The following LMBR1 variants were observed in gnomAD, a reference collection of about 807,000 sequenced individuals.
LMBR1 encodes the protein limb development membrane protein 1.
LMBR1 carries 52 observed loss-of-function variants against 73.9 expected under a neutral mutation model. That is an observed-to-expected ratio of 0.70 (90% CI 0.56 to 0.89). LMBR1 has a LOEUF of 0.89. Among genes scored for constraint, LMBR1 ranks in the 40% least tolerant of loss-of-function variants. The pLI is 0.00. For synonymous variants in LMBR1, 215 were observed against 209.4 expected (o/e 1.03, Z -0.23); for missense variants, 539 against 579.8 (o/e 0.93, Z 0.72).
intron 9 of LMBR1, among the ~76,000 whole-genome samples, chr7:156,744,217 A>G (rs1448810517): frequency 6.6e-6 from 1 of 152,096 alleles, no homozygotes; most frequent in Non-Finnish European, 1.5e-5. Flanking sequence ...TTTCAACTGC[A>G]GTCTTTATTC....
intron 1 of LMBR1, among the ~76,000 whole-genome samples, chr7:156,874,261 T>C (rs145161170): frequency 0.018 from 2,744 of 152,328 alleles, 86 homozygotes; most frequent in African/African-American, 0.061. Context: ...AAGTCCCTCA[T>C]TGCCCGGGGC....
At chr7:156,741,773 TA>T (rs1353954656) in intron 9 of LMBR1, among the ~76,000 whole-genome samples, 5 of 152,162 alleles carry the variant, frequency 3.3e-5, no homozygotes, top group African/African-American at 1.2e-4. Context: ...ACATCAAACT[TA>T]ATCTGTACTG....
At chr7:156,845,069 T>C (rs1445784805) in intron 1 of LMBR1, among the ~76,000 whole-genome samples, 1 of 152,164 alleles carries the variant, frequency 6.6e-6, no homozygotes, top group Non-Finnish European at 1.5e-5. Flanking sequence ...GAGTACAAAG[T>C]GGGTTCAAGG....
chr7:156,785,174 G>A (rs543594915), intron 5 of LMBR1, among the ~76,000 whole-genome samples: 9 of 152,240 alleles, frequency 5.9e-5, no homozygotes, highest in South Asian at 4.2e-4. Flanking sequence ...CTACTTGGGA[G>A]GCTGAGGCAG....
At chr7:156,718,971 TC>T (rs148719132) in intron 15 of LMBR1, among the ~76,000 whole-genome samples, 15,971 of 151,884 alleles carry the variant, frequency 0.11, 919 homozygotes, top group East Asian at 0.16. Context: ...TCAATGGTGG[TC>T]TGGGCAATGA....
intron 4 of LMBR1, among the ~76,000 whole-genome samples, chr7:156,812,701 G>C (rs753655878): frequency 6.6e-6 from 1 of 152,214 alleles, no homozygotes; most frequent in African/African-American, 2.4e-5. Context: ...CACCAGTTTA[G>C]TAAGGTTTTA....
chr7:156,795,889 C>T (rs897878059), intron 5 of LMBR1, among the ~76,000 whole-genome samples: 2 of 152,136 alleles, frequency 1.3e-5, no homozygotes, highest in African/African-American at 4.8e-5. Context: ...AAGAATACAT[C>T]ATGATTTTTT....
chr7:156,676,011 G>T, downstream of LMBR1: 1 of 876,968 alleles, frequency 1.1e-6, no homozygotes, highest in Non-Finnish European at 1.7e-6. Context: ...CTGTGGGGGT[G>T]GCATGTCGGG....
chr7:156,783,642 T>A (rs1478675800), intron 5 of LMBR1, among the ~76,000 whole-genome samples: 1 of 152,262 alleles, frequency 6.6e-6, no homozygotes, highest in Admixed American at 6.5e-5. Flanking sequence ...TTAATCCTTG[T>A]ACCCAGCATC....
At chr7:156,697,093 G>A (rs182113543) in intron 15 of LMBR1, among the ~76,000 whole-genome samples, 6 of 152,166 alleles carry the variant, frequency 3.9e-5, no homozygotes, top group African/African-American at 4.8e-5. Flanking sequence ...TAGCTGGGCC[G>A]CCAGGGGTGA....
chr7:156,687,847 C>T (rs1331769417), intron 16 of LMBR1, among the ~76,000 whole-genome samples, 183 bp downstream of exon 16: 2 of 152,248 alleles, frequency 1.3e-5, no homozygotes, highest in East Asian at 1.9e-4. Context: ...GATACTATCA[C>T]TGTATTACAG....
intron 10 of LMBR1, among the ~76,000 whole-genome samples, chr7:156,729,946 T>C (rs1816532919): frequency 6.6e-6 from 1 of 152,122 alleles, no homozygotes; most frequent in Non-Finnish European, 1.5e-5. Context: ...ACAATGAAAA[T>C]TGAGGGGCCA....
At chr7:156,734,129 T>TA (rs1563237685) in intron 10 of LMBR1, 48 bp downstream of exon 10, 1 of 1,224,616 alleles carries the variant, frequency 8.2e-7, no homozygotes, top group African/African-American at 1.5e-5. Flanking sequence ...AAGTCTTTAA[T>TA]AAGAAACCAA....
At chr7:156,672,202 T>C (rs1563097662) in intron 4 of LMBR1, among the ~76,000 whole-genome samples, 2 of 152,350 alleles carry the variant, frequency 1.3e-5, no homozygotes, top group Middle Eastern at 3.4e-3. Flanking sequence ...TTGGTATATA[T>C]GCAAAACTGA....
chr7:156,698,423 C>A (rs1489748047), intron 15 of LMBR1, among the ~76,000 whole-genome samples: 1 of 152,226 alleles, frequency 6.6e-6, no homozygotes, highest in African/African-American at 2.4e-5. Flanking sequence ...CCGTACTGCC[C>A]TAGCAGAGGT....
chr7:156,761,801 C>T (rs550605242), intron 8 of LMBR1, among the ~76,000 whole-genome samples: 1 of 151,888 alleles, frequency 6.6e-6, no homozygotes, highest in East Asian at 1.9e-4. Context: ...ACAGTGAAAC[C>T]CCGTCTCTAC....
intron 8 of LMBR1, among the ~76,000 whole-genome samples, chr7:156,760,143 G>A (rs1233121918): frequency 6.6e-6 from 1 of 152,144 alleles, no homozygotes; most frequent in Non-Finnish European, 1.5e-5. Context: ...GAAACCAGAG[G>A]CAAGGGGGAG....
At chr7:156,824,310 G>A (rs148716135) in intron 4 of LMBR1, among the ~76,000 whole-genome samples, 49 of 152,096 alleles carry the variant, frequency 3.2e-4, no homozygotes, top group Middle Eastern at 3.4e-3. Flanking sequence ...AGAAGCTTAC[G>A]GGATTGCTAA....
chr7:156,738,592 G>C (rs536745189), intron 9 of LMBR1, among the ~76,000 whole-genome samples: 3 of 152,332 alleles, frequency 2.0e-5, no homozygotes, highest in African/African-American at 7.2e-5. Flanking sequence ...AGAGAGGAAA[G>C]TAAAGAGAAC....
Sources: allele counts gnomAD v4.1 joint callset (sites outside exome capture counted in the v4.1 genomes callset), GRCh38; gene constraint gnomAD v4.1.1; transcripts MANE v1.5; gene names NCBI Gene and HGNC (gene_info 2026-07-23, HGNC 2026-07-21).